The following PLCB4 variants were observed in gnomAD, a reference collection of about 807,000 sequenced individuals.
PLCB4 encodes phospholipase C beta 4.
A neutral mutation model predicts 178.8 loss-of-function variants in PLCB4; 77 were observed. The ratio of observed to expected loss-of-function variants is 0.43; its 90% confidence interval spans 0.36 to 0.52. The LOEUF (loss-of-function observed/expected upper bound fraction) is 0.52. Among genes scored for constraint, PLCB4 ranks in the 20% least tolerant of loss-of-function variants. The pLI, the probability that PLCB4 is intolerant of heterozygous loss-of-function variation, is 0.00. For missense variants in PLCB4, 1,024 were observed against 1,453.4 expected (o/e 0.70, Z 4.80); for synonymous variants, 496 against 490.8 (o/e 1.01, Z -0.14).
intron 3 of PLCB4, among the ~76,000 whole-genome samples, chr20:9,228,981 T>C (rs2147338633): frequency 6.6e-6 from 1 of 152,328 alleles, no homozygotes; most frequent in East Asian, 1.9e-4. Context: ...GTCTTCATGG[T>C]TTGGCAGGAG....
In PLCB4 at chr20:9,307,685, C is replaced by T. The variant is rs544685384; in HGVS notation, c.-15-115C>T. 5.5e-5 allele frequency: 27 copies of T among 493,512 alleles called. 1 individual carries two copies. In the East Asian group the frequency reaches 7.0e-4, roughly 13 times the overall value. The allele number at this position is 493,512 out of a possible 1,614,324, so 30.6% of individuals were successfully genotyped here. The stretch of plus-strand genomic sequence containing the variant: ...TCAGACAAAGGGAAGAAGAAAAAAA[C>T]GTATTCCACATATTTAAAGTAAATC... On this transcript the variant is annotated intron_variant, in intron 3 of 39. Coordinates refer to ENST00000378473, the MANE Select transcript of PLCB4 (RefSeq NM_001377142.1).
Position 9,474,327 on chromosome 20 carries a change from C to A in PLCB4, c.3495+962C>A, listed in dbSNP as rs138893138. Among the ~76,000 whole-genome samples, 83 of 152,316 alleles carry A rather than the reference C, an allele frequency of 5.4e-4. 1 individual carries two copies. In the South Asian group the frequency reaches 8.5e-3, roughly 16 times the overall value. ...TCTGGTGCATAGTACAGGTGGGCAC[C>A]TTTCCAAATGGGCTACAGCCCATCA... On this transcript the variant is annotated intron_variant, in intron 38 of 39. Transcript: ENST00000378473.
chr20:9,442,249 A>G (rs895865321), intron 30 of PLCB4, among the ~76,000 whole-genome samples: 2 of 152,212 alleles, frequency 1.3e-5, no homozygotes, highest in Admixed American at 1.3e-4. Flanking sequence ...CAGGTGCTCA[A>G]GAGCCACAGA....
chr20:9,245,825 G>A (rs2094119397), intron 3 of PLCB4, among the ~76,000 whole-genome samples: 1 of 151,912 alleles, frequency 6.6e-6, no homozygotes, highest in African/African-American at 2.4e-5. Flanking sequence ...GTAAAGACAG[G>A]GTTTCACTAT....
intron 1 of PLCB4, among the ~76,000 whole-genome samples, chr20:9,095,950 T>C (rs2090896576): frequency 1.3e-5 from 2 of 152,320 alleles, no homozygotes; most frequent in South Asian, 4.1e-4. Flanking sequence ...ACATTTACTT[T>C]ATGGAATTAA....
chr20:9,300,646 G>C (rs1234351629), intron 3 of PLCB4, among the ~76,000 whole-genome samples: 1 of 152,128 alleles, frequency 6.6e-6, no homozygotes, highest in Non-Finnish European at 1.5e-5. Context: ...GGAACAGAAG[G>C]ACAGGAATGA....
At chr20:9,238,197 G>A (rs2094014915) in intron 3 of PLCB4, among the ~76,000 whole-genome samples, 1 of 152,142 alleles carries the variant, frequency 6.6e-6, no homozygotes, top group Non-Finnish European at 1.5e-5. Flanking sequence ...GGAAGAACTA[G>A]GTGCCTATGG....
chr20:9,473,234 T>C (rs1185027151), intron 37 of PLCB4, 45 bp from the exon 38 acceptor site: 5 of 1,256,408 alleles, frequency 4.0e-6, no homozygotes, highest in Non-Finnish European at 5.6e-6. Flanking sequence ...TTTAAGATTG[T>C]AACCCAAAGT....
chr20:9,144,956 A>C (rs1372637192), intron 2 of PLCB4, among the ~76,000 whole-genome samples: 5 of 152,120 alleles, frequency 3.3e-5, no homozygotes, highest in Non-Finnish European at 7.4e-5. Context: ...AGCTCTGCCT[A>C]AAAGTGCCGG....
chr20:9,427,585 C>G (rs149173127), intron 28 of PLCB4, among the ~76,000 whole-genome samples: 6 of 152,294 alleles, frequency 3.9e-5, no homozygotes, highest in African/African-American at 1.2e-4. Flanking sequence ...ATTATCTTTG[C>G]TGCTTTATCT....
At chr20:9,424,312 G>A (rs1822342286) in intron 28 of PLCB4, among the ~76,000 whole-genome samples, 1 of 151,990 alleles carries the variant, frequency 6.6e-6, no homozygotes, top group Non-Finnish European at 1.5e-5. Flanking sequence ...CAATAGTATC[G>A]CTAAAAGATT....
Position 9,371,265 on chromosome 20 carries a change from A to C in PLCB4, c.555A>C (p.Ala185=). 6.2e-7 allele frequency: 1 copy of C among 1,609,160 alleles called. No individual in the cohort carries two copies. Among genetic ancestry groups the C allele is most frequent in the Non-Finnish European group, 8.5e-7 (1 of 1,175,560 alleles). ...SGKTEKVIFQ[A]LKELGLPSGK... ...AAACAGAAAAGGTGATCTTTCAAGCACTCAAGGAGTTAGGTCTTCCCAGTG... is the reference window on the plus strand; with the variant it reads ...AAACAGAAAAGGTGATCTTTCAAGCCCTCAAGGAGTTAGGTCTTCCCAGTG... Residue 185 remains alanine (A), a synonymous_variant, in exon 10 of 40, where the codon GCA becomes GCC. Coordinates refer to ENST00000378473, the MANE Select transcript of PLCB4 (RefSeq NM_001377142.1).
At chr20:9,377,121 T>C (rs900016230) in intron 12 of PLCB4, among the ~76,000 whole-genome samples, 4 of 152,204 alleles carry the variant, frequency 2.6e-5, no homozygotes, top group African/African-American at 9.6e-5. Flanking sequence ...CTCCCAGTGC[T>C]ACTTGGATTG....
At chr20:9,255,851 T>C (rs2094228503) in intron 3 of PLCB4, among the ~76,000 whole-genome samples, 1 of 152,118 alleles carries the variant, frequency 6.6e-6, no homozygotes, top group Admixed American at 6.6e-5. Flanking sequence ...GGTGGCAGGC[T>C]GGACTTGGCC....
At chr20:9,473,989 A>C (rs1191826435) in intron 38 of PLCB4, among the ~76,000 whole-genome samples, 3 of 152,062 alleles carry the variant, frequency 2.0e-5, no homozygotes, top group Non-Finnish European at 2.9e-5. Context: ...GAGGCCGAGG[A>C]GGGTGGATCA....
intron 3 of PLCB4, among the ~76,000 whole-genome samples, chr20:9,235,055 A>G (rs2093978816): frequency 6.6e-6 from 1 of 152,154 alleles, no homozygotes; most frequent in Admixed American, 6.6e-5. Context: ...GGGAGTGAAG[A>G]GTGGTTGTAA....
At chr20:9,342,940 G>A (rs890434143) in intron 7 of PLCB4, among the ~76,000 whole-genome samples, 63 of 152,174 alleles carry the variant, frequency 4.1e-4, no homozygotes, top group African/African-American at 1.4e-3. Flanking sequence ...ATTGGTTTAC[G>A]CAATTTTTAT....
intron 2 of PLCB4, among the ~76,000 whole-genome samples, chr20:9,188,559 G>C: frequency 7.2e-6 from 1 of 138,644 alleles, no homozygotes; most frequent in South Asian, 2.3e-4. Context: ...GTTCATTGTG[G>C]AGGGCTGTCA....
intron 3 of PLCB4, among the ~76,000 whole-genome samples, chr20:9,293,816 G>A (rs970279321): frequency 6.6e-6 from 1 of 152,122 alleles, no homozygotes; most frequent in African/African-American, 2.4e-5. Flanking sequence ...AATACAGAGT[G>A]GTGCCTGGCC....
Sources: gnomAD v4.1 joint callset for allele counts (sites outside exome capture counted in the v4.1 genomes callset) on GRCh38, gnomAD v4.1.1 for gene constraint, MANE v1.5 for transcripts, NCBI Gene and HGNC (gene_info 2026-07-23, HGNC 2026-07-21) for gene names.